The following GGT1 variants were observed in gnomAD, a reference collection of about 807,000 sequenced individuals.
GGT1 encodes gamma-glutamyltransferase 1.
A neutral mutation model predicts 56.0 loss-of-function variants in GGT1; 21 were observed. That is an observed-to-expected ratio of 0.38 (90% CI 0.27 to 0.54). GGT1 has a LOEUF of 0.54. Among genes scored for constraint, GGT1 ranks in the 20% least tolerant of loss-of-function variants. The pLI is 0.82. For synonymous variants in GGT1, 238 were observed against 342.6 expected, an observed-to-expected ratio of 0.69 and a Z score of 3.37; for missense variants, 466 against 787.0, an observed-to-expected ratio of 0.59 and a Z score of 4.88.
chr22:24,612,585 G>A, intron 5 of GGT1, among the ~76,000 whole-genome samples: 1 of 151,812 alleles, frequency 6.6e-6, no homozygotes. Flanking sequence ...GGAGTGCAGT[G>A]GCGCAATCTC....
intron 1 of GGT1, among the ~76,000 whole-genome samples, chr22:24,606,989 A>C (rs2046363068): frequency 6.6e-6 from 1 of 150,396 alleles, no homozygotes; most frequent in African/African-American, 2.5e-5. Flanking sequence ...AGCACTGTCC[A>C]AAGTCCCCTG....
chr22:24,627,727 A>G, intron 12 of GGT1, 108 bp downstream of exon 12: 1 of 1,563,850 alleles, frequency 6.4e-7, no homozygotes, highest in Non-Finnish European at 8.7e-7. Context: ...CTGGTGGGAA[A>G]CTGAGGCCCA....
chr22:24,619,895 G>A (rs1190525186), intron 7 of GGT1, among the ~76,000 whole-genome samples: 1 of 150,636 alleles, frequency 6.6e-6, no homozygotes, highest in Non-Finnish European at 1.5e-5. Context: ...CTCATCCTGG[G>A]ACAGCAAAAC....
rs1601780939 is a variant in GGT1, at chr22:24,628,457, A to G, written c.1563+69A>G. 2.5e-6 allele frequency: 4 copies of G among 1,601,894 alleles called. No individual in the cohort carries two copies. The highest frequency in any genetic ancestry group is 1.1e-5 in the South Asian group (1 of 90,798). On this transcript the variant is annotated intron_variant, in intron 15 of 15. Transcript: ENST00000400382. This position sits in a 1 kb window ranked among gnomAD's most constrained non-coding sequence, Gnocchi z 5.7. The stretch of plus-strand genomic sequence containing the variant: ...AGGGCATCCTGGGCTGGAGGCCTGG[A>G]TCATCACAGAGTGGACAATGGTTGG...
At chr22:24,593,811 G>T (rs1006322151), upstream of GGT1, among the ~76,000 whole-genome samples, 3 of 151,512 alleles carry the variant, frequency 2.0e-5, no homozygotes, top group African/African-American at 7.3e-5. Flanking sequence ...GAAAAGAAAA[G>T]AAATCTCTGC....
intron 11 of GGT1, among the ~76,000 whole-genome samples, chr22:24,625,349 C>G (rs2047681636): frequency 6.6e-6 from 1 of 152,326 alleles, no homozygotes; most frequent in African/African-American, 2.4e-5. Context: ...TCTTGGCTCA[C>G]TGCAGCCTCA....
the GGT1 span, among the ~76,000 whole-genome samples, chr22:24,586,689 G>A: frequency 3.9e-5 from 6 of 152,352 alleles, 1 homozygote; most frequent in South Asian, 8.3e-4. Flanking sequence ...GTGCCACCAC[G>A]CCTGGCTAAT....
chr22:24,595,505 C>T (rs2045677613), intron 1 of GGT1, among the ~76,000 whole-genome samples: 1 of 152,222 alleles, frequency 6.6e-6, no homozygotes, highest in Non-Finnish European at 1.5e-5. Context: ...GTTGTCCTCT[C>T]AGTTCCCGGG....
intron 5 of GGT1, among the ~76,000 whole-genome samples, chr22:24,612,550 G>T (rs6004198): frequency 0.053 from 7,840 of 146,580 alleles, 665 homozygotes; most frequent in African/African-American, 0.18. Context: ...TTTTTGAGAC[G>T]GAGTCTCACG....
chr22:24,586,863 G>A, the GGT1 span, among the ~76,000 whole-genome samples: 1 of 152,214 alleles, frequency 6.6e-6, no homozygotes, highest in African/African-American at 2.4e-5. Context: ...GGTGGCCATG[G>A]GCAATGCTCA....
intron 7 of GGT1, among the ~76,000 whole-genome samples, chr22:24,619,025 G>A (rs1209773325): frequency 6.6e-6 from 1 of 152,196 alleles, no homozygotes; most frequent in Non-Finnish European, 1.5e-5. Context: ...GGGATGCTGA[G>A]GTGGGAGGAT....
At chr22:24,600,273 C>T (rs1490394699), upstream of GGT1, among the ~76,000 whole-genome samples, 1 of 152,210 alleles carries the variant, frequency 6.6e-6, no homozygotes, top group Non-Finnish European at 1.5e-5. Flanking sequence ...TCAAGGAATC[C>T]ACCCAGCAAC....
In GGT1 at chr22:24,614,775, G is replaced by A; in HGVS notation, c.165-1G>A. 1 of 1,613,614 alleles carries A rather than the reference G, an allele frequency of 6.2e-7. No individual in the cohort carries two copies. Among genetic ancestry groups the A allele is most frequent in the Non-Finnish European group, 8.5e-7 (1 of 1,179,772 alleles). Reference sequence around the variant, plus strand: ...TCATGCCTTTATGTGCCACATGGCAGGGATGCACTGCGGGACGGTGGCTCT... The same window carrying A: ...TCATGCCTTTATGTGCCACATGGCAAGGATGCACTGCGGGACGGTGGCTCT... On this transcript the variant is annotated splice_acceptor_variant, in intron 5 of 15. Coordinates refer to ENST00000400382, the MANE Select transcript of GGT1 (RefSeq NM_001288833.2). LOFTEE classifies it high-confidence loss of function.
At chr22:24,586,372 C>T in the GGT1 span, 1 of 1,613,732 alleles carries the variant, frequency 6.2e-7, no homozygotes, top group East Asian at 2.2e-5. Context: ...GGTCCACAGT[C>T]TCCCCTGCCA....
At chr22:24,626,586 C>T (rs1295457461) in intron 11 of GGT1, among the ~76,000 whole-genome samples, 7 of 151,926 alleles carry the variant, frequency 4.6e-5, no homozygotes, top group Admixed American at 4.6e-4. Flanking sequence ...CAAACCTGCC[C>T]CTTCTGCAGG....
At chr22:24,599,231 A>G (rs961985826), upstream of GGT1, 3 of 152,272 alleles carry the variant, frequency 2.0e-5, no homozygotes, top group African/African-American at 7.2e-5. Flanking sequence ...ATGCAGTGCC[A>G]GAGGGCTTCA....
At chr22:24,602,860 G>C (rs1318780417), upstream of GGT1, among the ~76,000 whole-genome samples, 1 of 152,174 alleles carries the variant, frequency 6.6e-6, no homozygotes, top group African/African-American at 2.4e-5. Context: ...GCCCCTCCTG[G>C]CGTGGGCATC....
the GGT1 span, chr22:24,589,757 G>A: frequency 6.7e-7 from 1 of 1,501,034 alleles, no homozygotes; most frequent in South Asian, 1.3e-5. Context: ...CCCCAGCCCT[G>A]GGCTCTGTTG....
At chr22:24,590,011 C>T (rs1026231645), upstream of GGT1, 1 of 1,478,052 alleles carries the variant, frequency 6.8e-7, no homozygotes, top group African/African-American at 1.4e-5. Context: ...AGGCACCACC[C>T]CAGCCAGCCA....
Sources: allele counts gnomAD v4.1 joint callset (sites outside exome capture counted in the v4.1 genomes callset), GRCh38; gene constraint gnomAD v4.1.1; non-coding constraint Gnocchi (gnomAD v3.1); transcripts MANE v1.5; gene names NCBI Gene and HGNC (gene_info 2026-07-23, HGNC 2026-07-21).